SUPT4H1: variants seen among roughly 807,000 people sequenced by gnomAD.
The protein encoded by SUPT4H1 is transcription elongation factor SPT4.
A neutral mutation model predicts 19.4 loss-of-function variants in SUPT4H1; 12 were observed. That is an observed-to-expected ratio of 0.62 (90% CI 0.40 to 1.00). The LOEUF is 1.00. SUPT4H1 is among the 50% of genes least tolerant of loss of function. SUPT4H1 has a pLI of 0.00. For missense variants in SUPT4H1, 115 were observed against 149.2 expected (o/e 0.77, Z 1.19); for synonymous variants, 58 against 56.3 (o/e 1.03, Z -0.14).
rs149901787 is a variant in SUPT4H1, at chr17:58,345,185, A to G, written c.*1061T>C. 1.3e-5 allele frequency: 2 copies of G among 152,312 alleles called. No homozygotes were observed. Among genetic ancestry groups the G allele is most frequent in the Non-Finnish European group, 1.5e-5 (1 of 68,030 alleles). 9.4% of individuals were successfully genotyped at this position (152,312 alleles called of 1,614,324 possible). A position where few individuals can be genotyped will look rare whatever the true frequency, so the allele number is the denominator to read the frequency against. The stretch of plus-strand genomic sequence containing the variant: ...GAAAAATGGCCCAAAAAGGAGAGCA[A>G]AAGTATTTCACCTTTATAATACTTA... On this transcript the variant is annotated 3_prime_UTR_variant, in exon 5 of 5. Coordinates refer to ENST00000225504, the MANE Select transcript of SUPT4H1 (RefSeq NM_003168.3).
At chr17:58,348,631 G>T (rs1972381352) in intron 2 of SUPT4H1, among the ~76,000 whole-genome samples, 1 of 152,116 alleles carries the variant, frequency 6.6e-6, no homozygotes. Context: ...AACCTAAACA[G>T]AATTCCCACT....
chr17:58,346,350 T>C, intron 4 of SUPT4H1, 37 bp from the exon 5 acceptor site: 1 of 1,597,860 alleles, frequency 6.3e-7, no homozygotes, highest in East Asian at 2.2e-5. Flanking sequence ...TGAGGTAAGA[T>C]TCAGAAGGGT....
chr17:58,349,211 A>T (rs1330949536), intron 2 of SUPT4H1, among the ~76,000 whole-genome samples: 2 of 152,262 alleles, frequency 1.3e-5, no homozygotes, highest in Non-Finnish European at 1.5e-5. Flanking sequence ...TATACAGATG[A>T]TCCCTGACTT....
intron 2 of SUPT4H1, 135 bp from the exon 3 acceptor site, chr17:58,347,719 G>C: frequency 1.2e-6 from 1 of 811,232 alleles, no homozygotes; most frequent in Admixed American, 2.0e-5. Flanking sequence ...CTGATGTTGG[G>C]ATGAGGCTGA....
intron 2 of SUPT4H1, among the ~76,000 whole-genome samples, chr17:58,348,439 CTGT>C (rs1273750857): frequency 6.6e-6 from 1 of 152,114 alleles, no homozygotes; most frequent in Non-Finnish European, 1.5e-5. Flanking sequence ...CAGCCATGCG[CTGT>C]TAAGTGGAAC....
At position 58,346,092 on chromosome 17, in the gene SUPT4H1, TA is replaced by T; in HGVS notation, c.*153del. On this transcript the variant is annotated 3_prime_UTR_variant, in exon 5 of 5. Transcript: ENST00000225504. ...CACCCCACCTGTAGTCCAAAGAAGA[TA>T]AAATGATAAAATGATGTGCTGCTCT... 1 of 625,282 alleles carries T rather than the reference TA, an allele frequency of 1.6e-6. No homozygotes were observed. The highest frequency in any genetic ancestry group is 2.9e-5 in the East Asian group (1 of 34,602). The allele number at this position is 625,282 out of a possible 1,614,324, so 38.7% of individuals were successfully genotyped here. A position where few individuals can be genotyped will look rare whatever the true frequency, so the allele number is the denominator to read the frequency against.
chr17:58,347,738 T>C, intron 2 of SUPT4H1, 154 bp from the exon 3 acceptor site: 3 of 700,476 alleles, frequency 4.3e-6, no homozygotes, highest in Non-Finnish European at 7.6e-6. Flanking sequence ...GACTCAAAGC[T>C]AGGACTGACA....
intron 2 of SUPT4H1, among the ~76,000 whole-genome samples, chr17:58,349,954 ACAG>A (rs1348416010): frequency 2.0e-5 from 3 of 152,226 alleles, no homozygotes; most frequent in Non-Finnish European, 4.4e-5. Flanking sequence ...CGGTTGCACA[ACAG>A]TGAGTATGCA....
In SUPT4H1 at chr17:58,345,363, T is replaced by A. The variant is rs773504744; in HGVS notation, c.*883A>T. The A allele has an allele frequency of 6.6e-6, 1 of 152,070 alleles. No homozygotes were observed. The highest frequency in any genetic ancestry group is 2.1e-4 in the South Asian group (1 of 4,830). 9.4% of individuals were successfully genotyped at this position (152,070 alleles called of 1,614,324 possible). ...ATTTCTGTGGAAATTTAAATGAGAA[T>A]TTGTGGTAAATTTTTTTATCCTAAA... On this transcript the variant is annotated 3_prime_UTR_variant, in exon 5 of 5. Transcript: ENST00000225504.
At position 58,346,239 on chromosome 17, in the gene SUPT4H1, C is replaced by T; in HGVS notation, c.*7G>A. On this transcript the variant is annotated 3_prime_UTR_variant, in exon 5 of 5. Transcript: ENST00000225504. ...GAGAGCAAAGATGCTGGCAGCCTTG[C>T]ATCTTGCTAGGTCTTTATAGCTGTG... 6.2e-7 allele frequency: 1 copy of T among 1,613,318 alleles called. No individual in the cohort carries two copies. The highest frequency in any genetic ancestry group is 8.5e-7 in the Non-Finnish European group (1 of 1,179,254).
intron 4 of SUPT4H1, 168 bp from the exon 5 acceptor site, chr17:58,346,481 T>C (rs1426859527): frequency 2.1e-5 from 13 of 605,090 alleles, no homozygotes; most frequent in Non-Finnish European, 3.6e-5. Flanking sequence ...TCTCAGCACT[T>C]TGGGAGGTCA....
chr17:58,352,146 G>C lies in SUPT4H1; in HGVS notation c.-11C>G. ...CGTCTCCAGGGCCATCTTCGCCGAT[G>C]GGAAGAACAACAGGGAGATAGACGA... is the stretch of plus-strand genomic sequence containing the variant. On this transcript the variant is annotated 5_prime_UTR_variant, in exon 1 of 5. Transcript: ENST00000225504. 1 of 1,614,050 alleles carries C rather than the reference G, an allele frequency of 6.2e-7. No homozygotes were observed. The highest frequency in any genetic ancestry group is 8.5e-7 in the Non-Finnish European group (1 of 1,179,960).
intron 3 of SUPT4H1, 119 bp downstream of exon 3, chr17:58,347,410 T>C: frequency 7.1e-7 from 1 of 1,413,800 alleles, no homozygotes; most frequent in Non-Finnish European, 1.0e-6. Context: ...CTGTGTTTCC[T>C]ACAACCCGAT....
chr17:58,348,944 C>G (rs1470407186), intron 2 of SUPT4H1, among the ~76,000 whole-genome samples: 1 of 152,170 alleles, frequency 6.6e-6, no homozygotes, highest in East Asian at 1.9e-4. Context: ...AGGCATTTCT[C>G]CAAAGATATA....
At chr17:58,351,272 A>C in intron 2 of SUPT4H1, 130 bp downstream of exon 2, 1 of 588,176 alleles carries the variant, frequency 1.7e-6, no homozygotes. Context: ...AAAAAAAAAA[A>C]AACCCACACA....
At position 58,351,443 on chromosome 17, in the gene SUPT4H1, G is replaced by C; in HGVS notation, c.135C>G (p.Asn45Lys). 22 of 1,613,930 alleles carry C rather than the reference G, an allele frequency of 1.4e-5. No homozygotes were observed. Among genetic ancestry groups the C allele is most frequent in the Non-Finnish European group, 1.8e-5 (21 of 1,179,952 alleles). The part of the protein sequence containing the change: ...NCDAYLQMKG[N>K]REMVYDCTSS... ...TAGTGCAGTCATATACCATCTCTCG[G>C]TTACCCTTCATTTGTAGATATGCAT... Residue 45 changes from asparagine to lysine, a missense_variant, in exon 2 of 5, where the codon AAC becomes AAG. Coordinates refer to ENST00000225504, the MANE Select transcript of SUPT4H1 (RefSeq NM_003168.3).
intron 1 of SUPT4H1, 49 bp from the exon 2 acceptor site, chr17:58,351,557 G>T: frequency 7.5e-7 from 1 of 1,328,862 alleles, no homozygotes; most frequent in Non-Finnish European, 1.1e-6. Flanking sequence ...GCATGAACAA[G>T]ACCAAGAGAA....
At position 58,351,521 on chromosome 17, in the gene SUPT4H1, G is replaced by A. The variant is rs145019158; in HGVS notation, c.70-13C>T. ...ACTGGTCTATAGTCTGGGAGTGAAAGAAAAATAAAGGAAAAGGAGAGATAA... is the reference window on the plus strand; with the variant it reads ...ACTGGTCTATAGTCTGGGAGTGAAAAAAAAATAAAGGAAAAGGAGAGATAA... On this transcript the variant is annotated splice_polypyrimidine_tract_variant and intron_variant, in intron 1 of 4. Transcript: ENST00000225504. 7.5e-5 allele frequency: 118 copies of A among 1,565,388 alleles called. No individual in the cohort carries two copies. The highest frequency in any genetic ancestry group is 6.7e-4 in the Middle Eastern group (4 of 5,964).
chr17:58,347,274 G>C (rs896252505), intron 3 of SUPT4H1, 33 bp from the exon 4 acceptor site: 1 of 1,611,324 alleles, frequency 6.2e-7, no homozygotes, highest in Non-Finnish European at 8.5e-7. Context: ...CAAGATTACA[G>C]TGAAGTTAGT....
Sources: allele counts gnomAD v4.1 joint callset (sites outside exome capture counted in the v4.1 genomes callset), GRCh38; gene constraint gnomAD v4.1.1; transcripts MANE v1.5; gene names NCBI Gene and HGNC (gene_info 2026-07-23, HGNC 2026-07-21).